Variants in TGM7 observed in about 807,000 individuals in gnomAD.
The protein encoded by TGM7 is protein-glutamine gamma-glutamyltransferase Z.
In TGM7, 74 loss-of-function variants were observed where a neutral mutation model predicts 79.5. That is an observed-to-expected ratio of 0.93 (90% confidence interval 0.77 to 1.13). The LOEUF (loss-of-function observed/expected upper bound fraction) is 1.13. TGM7 is among the 50% of genes most tolerant of loss of function. TGM7 has a pLI of 0.00. For missense variants in TGM7, 912 were observed against 905.9 expected, an observed-to-expected ratio of 1.01 and a Z score of -0.09; for synonymous variants, 354 against 362.5, an observed-to-expected ratio of 0.98 and a Z score of 0.27.
In TGM7 at chr15:43,279,120, A is replaced by G; in HGVS notation, c.1836T>C (p.Ile612=). The change falls in exon 11 of 13, where the codon ATT becomes ATC. Residue 612 remains isoleucine (I), a synonymous_variant. Coordinates refer to ENST00000452443, the MANE Select transcript of TGM7 (RefSeq NM_052955.3). ...CCCACCCATGTCCAGACACTACCTC[A>G]ATAGACAAGTGGGGAGGCTCCAGAC... ...DICLEPPHLS[I]EVSERAEVGK... 1.9e-6 allele frequency: 3 copies of G among 1,612,586 alleles called. No individual in the cohort carries two copies. The South Asian group carries it at 3.3e-5, about 18-fold the overall frequency.
Position 43,276,428 on chromosome 15 carries a change from C to G in TGM7, c.*27G>C. The G allele has an allele frequency of 6.3e-7, 1 of 1,599,340 alleles. No individual in the cohort carries two copies. Among genetic ancestry groups the G allele is most frequent in the Non-Finnish European group, 8.5e-7 (1 of 1,172,378 alleles). ...AAAGGAGCCAGGTGGGGCAGGGGTG[C>G]CAGGGAGGGCAGCTGGAGGGCGGGT... On this transcript the variant is annotated 3_prime_UTR_variant, in exon 13 of 13. Coordinates refer to ENST00000452443, the MANE Select transcript of TGM7 (RefSeq NM_052955.3).
At position 43,288,091 on chromosome 15, in the gene TGM7, C is replaced by G. The variant is rs1211464464; in HGVS notation, c.559-422G>C. Reference sequence around the variant, plus strand: ...GGACTTGAAGAAGCAGGGAAGGGATCAGAGCAGAAAAAGTCTAGAGATCAA... The same window carrying G: ...GGACTTGAAGAAGCAGGGAAGGGATGAGAGCAGAAAAAGTCTAGAGATCAA... On this transcript the variant is annotated intron_variant, in intron 4 of 12. Coordinates refer to ENST00000452443, the MANE Select transcript of TGM7 (RefSeq NM_052955.3). Among the ~76,000 whole-genome samples the G allele has an allele frequency of 2.0e-5, 3 of 152,092 alleles. No individual in the cohort carries two copies. The East Asian group carries it at 5.8e-4, about 29-fold the overall frequency.
chr15:43,289,335 T>G (rs1247999161), intron 4 of TGM7, among the ~76,000 whole-genome samples: 1 of 152,170 alleles, frequency 6.6e-6, no homozygotes, highest in East Asian at 1.9e-4. Flanking sequence ...GTCCTTGTGA[T>G]AGTTTGCTGA....
chr15:43,278,713 C>T (rs145526530), intron 11 of TGM7, among the ~76,000 whole-genome samples: 3,600 of 152,280 alleles, frequency 0.024, 159 homozygotes, highest in African/African-American at 0.083. Context: ...CTTGGCCTCC[C>T]AAAGCACTGG....
intron 4 of TGM7, among the ~76,000 whole-genome samples, chr15:43,291,670 C>T (rs193074555): frequency 6.6e-6 from 1 of 152,324 alleles, no homozygotes; most frequent in Non-Finnish European, 1.5e-5. Flanking sequence ...ATGAAACAGA[C>T]TCATGATACA....
chr15:43,300,556 C>G (rs1041525382), intron 1 of TGM7, among the ~76,000 whole-genome samples: 1 of 152,216 alleles, frequency 6.6e-6, no homozygotes, highest in African/African-American at 2.4e-5. Flanking sequence ...AATCCCAGCA[C>G]TTTGGGAGGC....
intron 1 of TGM7, among the ~76,000 whole-genome samples, chr15:43,297,636 A>AGAAAGAAAGAAAGAAC (rs1555386114): frequency 1.5e-4 from 5 of 34,094 alleles, no homozygotes; most frequent in African/African-American, 4.9e-4. Context: ...AAAGAAAGAA[A>AGAAAGAAAGAAAGAAC]AAGAAAGAAA....
intron 9 of TGM7, among the ~76,000 whole-genome samples, chr15:43,281,247 C>T (rs1359651284): frequency 2.0e-5 from 3 of 152,348 alleles, no homozygotes; most frequent in Non-Finnish European, 4.4e-5. Flanking sequence ...TCCAGTCTTA[C>T]ACAGGGCATG....
At position 43,284,856 on chromosome 15, in the gene TGM7, C is replaced by T. The variant is rs753704898; in HGVS notation, c.962G>A (p.Arg321Gln). ...CTGAGTTGACAGCATCTCGGCATTT[C>T]GGTCATAGTACGTATCGATGGTCAA... is the stretch of plus-strand genomic sequence containing the variant. ...RNLTIDTYYD[R>Q]NAEMLSTQKR... The change falls in exon 7 of 13, where the codon CGA becomes CAA. Residue 321 changes from arginine (R) to glutamine (Q), a missense_variant. Coordinates refer to ENST00000452443, the MANE Select transcript of TGM7 (RefSeq NM_052955.3). 18 of 1,614,028 alleles carry T rather than the reference C, an allele frequency of 1.1e-5. No individual in the cohort carries two copies. The highest frequency in any genetic ancestry group is 3.3e-5 in the Admixed American group (2 of 59,998).
Position 43,292,802 on chromosome 15 carries a change from A to G in TGM7, c.346T>C (p.Tyr116His), listed in dbSNP as rs1195718159. The G allele has an allele frequency of 6.2e-7, 1 of 1,614,150 alleles. No homozygotes were observed. Among genetic ancestry groups the G allele is most frequent in the Non-Finnish European group, 8.5e-7 (1 of 1,180,032 alleles). Residue 116 changes from tyrosine (Y) to histidine (H), a missense_variant, in exon 3 of 13, where the codon TAC (tyrosine) becomes CAC (histidine). Tyr to His is a moderately conservative substitution (Grantham distance 83). Transcript: ENST00000452443. ...TGAGAGATCTCTATTTTCAGAGTGT[A>G]ATGGCCAATAACTGCATTGGCTGGT... is the stretch of plus-strand genomic sequence containing the variant. Reference protein sequence around the residue: ...FTPANAVIGHYTLKIEISQGQ... With the variant: ...FTPANAVIGHHTLKIEISQGQ...
At chr15:43,284,700 C>A in intron 7 of TGM7, 114 bp downstream of exon 7, 2 of 1,269,852 alleles carry the variant, frequency 1.6e-6, no homozygotes, top group Non-Finnish European at 2.2e-6. Flanking sequence ...TGAGCATTAG[C>A]AGCAATGCTC....
intron 9 of TGM7, among the ~76,000 whole-genome samples, chr15:43,281,074 A>T (rs151165143): frequency 2.0e-5 from 3 of 152,278 alleles, no homozygotes; most frequent in African/African-American, 7.2e-5. Context: ...CTTAACCCAA[A>T]CTTACCCCCA....
At chr15:43,301,454 A>G (rs898024153) in intron 1 of TGM7, among the ~76,000 whole-genome samples, 5 of 150,920 alleles carry the variant, frequency 3.3e-5, no homozygotes, top group Admixed American at 3.3e-4. Context: ...ACATGGCGAA[A>G]CCCCACCTCT....
intron 4 of TGM7, among the ~76,000 whole-genome samples, chr15:43,289,402 T>G (rs1324548846): frequency 6.6e-6 from 1 of 152,242 alleles, no homozygotes; most frequent in Non-Finnish European, 1.5e-5. Flanking sequence ...CTCATCATTT[T>G]TTATGGCTGC....
chr15:43,279,197 T>C lies in TGM7; in HGVS notation c.1759A>G (p.Ile587Val), dbSNP rs2042893113. The change falls in exon 11 of 13, where the codon ATC (isoleucine) becomes GTC (valine). Residue 587 changes from isoleucine (I) to valine (V), a missense_variant. Ile to Val is a conservative substitution (Grantham distance 29). Transcript: ENST00000452443. Reference sequence around the variant, plus strand: ...CTCCCTGTCTCTTCAACCTCCGCGATGCCAGACACGCGGATGAGCTTTTCG... The same window carrying C: ...CTCCCTGTCTCTTCAACCTCCGCGACGCCAGACACGCGGATGAGCTTTTCG... ...TDEKLIRVSG[I>V]AEVEETGRSM... 1.2e-6 allele frequency: 2 copies of C among 1,614,126 alleles called. No individual in the cohort carries two copies. Among genetic ancestry groups the C allele is most frequent in the Admixed American group, 1.7e-5 (1 of 60,018 alleles).
In TGM7 at chr15:43,276,976, A is replaced by G; in HGVS notation, c.1859T>C (p.Val620Ala). ...GACATGGACTCTCAGCGCCTTGCCC[A>G]CCTCAGCCCTCTCAGACACCTGTGT... ...LSIEVSERAEVGKALRVHVTL... is the reference protein window; with the variant it reads ...LSIEVSERAEAGKALRVHVTL... The change falls in exon 12 of 13, where the codon GTG (valine) becomes GCG (alanine). Residue 620 changes from valine to alanine, a missense_variant. Coordinates refer to ENST00000452443, the MANE Select transcript of TGM7 (RefSeq NM_052955.3). 5 of 1,613,912 alleles carry G rather than the reference A, an allele frequency of 3.1e-6. No individual in the cohort carries two copies. The highest frequency in any genetic ancestry group is 4.2e-6 in the Non-Finnish European group (5 of 1,179,944).
At chr15:43,296,719 T>C (rs145089155) in intron 1 of TGM7, among the ~76,000 whole-genome samples, 64 of 152,210 alleles carry the variant, frequency 4.2e-4, no homozygotes, top group African/African-American at 1.5e-3. Flanking sequence ...GCCAGACTTC[T>C]CTTAGTTTGG....
At chr15:43,279,347 G>A (rs1387028504) in intron 10 of TGM7, 70 bp from the exon 11 acceptor site, 4 of 1,524,100 alleles carry the variant, frequency 2.6e-6, no homozygotes, top group African/African-American at 2.8e-5. Context: ...GTAGATGTGA[G>A]AGAGGAAAAA....
chr15:43,298,527 C>T (rs1040654993), intron 1 of TGM7, among the ~76,000 whole-genome samples: 4 of 152,152 alleles, frequency 2.6e-5, no homozygotes, highest in Middle Eastern at 3.2e-3. Context: ...GAGGCCGAGG[C>T]GGGCGGATCA....
Sources: gnomAD v4.1 joint callset for allele counts (sites outside exome capture counted in the v4.1 genomes callset) on GRCh38, gnomAD v4.1.1 for gene constraint, MANE v1.5 for transcripts, NCBI Gene and HGNC (gene_info 2026-07-23, HGNC 2026-07-21) for gene names.